CMTM8: variants seen among roughly 807,000 people sequenced by gnomAD.
CMTM8 encodes CKLF like MARVEL transmembrane domain containing 8.
A neutral mutation model predicts 18.6 loss-of-function variants in CMTM8; 12 were observed. That is an observed-to-expected ratio of 0.65 (90% CI 0.41 to 1.05). CMTM8 has a LOEUF of 1.05. CMTM8 is among the 50% of genes least tolerant of loss of function. The pLI is 0.00. For synonymous variants in CMTM8, 87 were observed against 90.6 expected (o/e 0.96, Z 0.23); for missense variants, 217 against 227.2 (o/e 0.95, Z 0.29).
intron 2 of CMTM8, among the ~76,000 whole-genome samples, chr3:32,362,059 G>T (rs1696945258): frequency 3.4e-4 from 1 of 2,912 alleles, no homozygotes. Flanking sequence ...TTTTTTTTTG[G>T]AGATGGAGTC....
chr3:32,310,138 G>C (rs1559376304), intron 1 of CMTM8, among the ~76,000 whole-genome samples: 1 of 150,516 alleles, frequency 6.6e-6, no homozygotes, highest in Non-Finnish European at 1.5e-5. Flanking sequence ...GTGGGGCTGT[G>C]GATGATTTTT....
At chr3:32,320,245 A>C (rs1209946372) in intron 1 of CMTM8, among the ~76,000 whole-genome samples, 1 of 152,236 alleles carries the variant, frequency 6.6e-6, no homozygotes, top group Non-Finnish European at 1.5e-5. Flanking sequence ...TCACCTGATG[A>C]ATCTATAAAC....
At chr3:32,242,177 T>C (rs1369978079) in intron 1 of CMTM8, among the ~76,000 whole-genome samples, 1 of 152,226 alleles carries the variant, frequency 6.6e-6, no homozygotes, top group Non-Finnish European at 1.5e-5. Flanking sequence ...TAAGAAAGCA[T>C]GCATGTGGAA....
chr3:32,288,850 C>G (rs556225059), intron 1 of CMTM8, among the ~76,000 whole-genome samples: 2 of 152,092 alleles, frequency 1.3e-5, no homozygotes, highest in African/African-American at 2.4e-5. Flanking sequence ...CTATCTCAGT[C>G]GAATTTCCTA....
chr3:32,301,368 C>CCGTATA (rs144839110), intron 1 of CMTM8, among the ~76,000 whole-genome samples: 111 of 151,572 alleles, frequency 7.3e-4, no homozygotes, highest in African/African-American at 2.7e-3. Context: ...ACTTTGACAG[C>CCGTATA]TGTATATATA....
chr3:32,272,773 G>T (rs891294313), intron 1 of CMTM8, among the ~76,000 whole-genome samples: 36 of 152,142 alleles, frequency 2.4e-4, no homozygotes, highest in African/African-American at 8.7e-4. Context: ...AAGTTAATTT[G>T]CTGCTCCCTC....
intron 1 of CMTM8, among the ~76,000 whole-genome samples, chr3:32,296,262 C>T (rs1435078296): frequency 2.6e-5 from 4 of 152,032 alleles, no homozygotes; most frequent in African/African-American, 7.3e-5. Flanking sequence ...CATGAGCTAC[C>T]ACACCTGACC....
At chr3:32,295,982 T>C (rs896268450) in intron 1 of CMTM8, among the ~76,000 whole-genome samples, 2 of 152,192 alleles carry the variant, frequency 1.3e-5, no homozygotes, top group African/African-American at 4.8e-5. Flanking sequence ...CTCACCTGGC[T>C]AATATCTATA....
chr3:32,275,943 G>A (rs768641667), intron 1 of CMTM8, among the ~76,000 whole-genome samples: 7 of 151,846 alleles, frequency 4.6e-5, no homozygotes, highest in Admixed American at 2.0e-4. Context: ...GTTACCACTC[G>A]TATGTACTTC....
intron 1 of CMTM8, among the ~76,000 whole-genome samples, chr3:32,309,465 G>A (rs1376457792): frequency 1.3e-5 from 2 of 151,648 alleles, no homozygotes; most frequent in East Asian, 1.9e-4. Context: ...GCACCACCAC[G>A]CCCGGCTAAT....
chr3:32,272,671 C>T (rs773177446), intron 1 of CMTM8, among the ~76,000 whole-genome samples: 17 of 152,138 alleles, frequency 1.1e-4, no homozygotes, highest in Non-Finnish European at 2.1e-4. Context: ...CCTACATAGA[C>T]TCAGACCCAA....
At chr3:32,264,337 G>A (rs980227895) in intron 1 of CMTM8, among the ~76,000 whole-genome samples, 1 of 152,066 alleles carries the variant, frequency 6.6e-6, no homozygotes, top group Non-Finnish European at 1.5e-5. Flanking sequence ...AGAATTTCAT[G>A]TCCAGCCAAC....
At chr3:32,261,182 AAG>A (rs1702253315) in intron 1 of CMTM8, among the ~76,000 whole-genome samples, 1 of 152,018 alleles carries the variant, frequency 6.6e-6, no homozygotes, top group Admixed American at 6.5e-5. Context: ...AAAAAAAAAA[AAG>A]AATAAAAACT....
chr3:32,363,465 C>G (rs926196481), intron 2 of CMTM8, among the ~76,000 whole-genome samples: 1 of 152,206 alleles, frequency 6.6e-6, no homozygotes, highest in Non-Finnish European at 1.5e-5. Flanking sequence ...ACGTGGTCAC[C>G]TGACCACATC....
chr3:32,315,466 C>G (rs1159641088), intron 1 of CMTM8, among the ~76,000 whole-genome samples: 1 of 152,132 alleles, frequency 6.6e-6, no homozygotes, highest in Non-Finnish European at 1.5e-5. Flanking sequence ...GGAAGAGATG[C>G]GGACACTGAA....
intron 1 of CMTM8, among the ~76,000 whole-genome samples, chr3:32,284,341 G>C (rs4990226): frequency 0.5 from 76,393 of 152,128 alleles, 19,359 homozygotes; most frequent in Middle Eastern, 0.6. Context: ...GAAAGAACAG[G>C]AGGAAGCAGT....
At chr3:32,362,637 G>A (rs1696957899) in intron 2 of CMTM8, among the ~76,000 whole-genome samples, 1 of 152,160 alleles carries the variant, frequency 6.6e-6, no homozygotes, top group African/African-American at 2.4e-5. Flanking sequence ...GTGCCATCCT[G>A]AGCAGGAAGT....
intron 2 of CMTM8, among the ~76,000 whole-genome samples, chr3:32,359,794 G>T (rs2125600779): frequency 6.6e-6 from 1 of 152,162 alleles, no homozygotes; most frequent in South Asian, 2.1e-4. Flanking sequence ...CGGCACCCCT[G>T]GTTTTAAAAT....
intron 1 of CMTM8, among the ~76,000 whole-genome samples, chr3:32,314,145 C>T (rs1285835888): frequency 2.6e-5 from 4 of 152,136 alleles, no homozygotes; most frequent in African/African-American, 9.7e-5. Flanking sequence ...GCAGCTACAC[C>T]CTACAAAAGT....
Sources: gnomAD v4.1 joint callset for allele counts (sites outside exome capture counted in the v4.1 genomes callset) on GRCh38, gnomAD v4.1.1 for gene constraint, MANE v1.5 for transcripts, NCBI Gene and HGNC (gene_info 2026-07-23, HGNC 2026-07-21) for gene names.